SLC26A11: variants seen among roughly 807,000 people sequenced by gnomAD.
SLC26A11 encodes the protein sodium-independent sulfate anion transporter.
SLC26A11 carries 58 observed loss-of-function variants against 62.2 expected under a neutral mutation model. The ratio of observed to expected loss-of-function variants is 0.93; its 90% confidence interval spans 0.76 to 1.16. The LOEUF (loss-of-function observed/expected upper bound fraction) is 1.16, where lower values mean the gene tolerates loss of function less well. Among genes scored for constraint, SLC26A11 ranks in the 50% most tolerant of loss-of-function variants. The pLI, the probability that SLC26A11 is intolerant of heterozygous loss-of-function variation, is 0.00. For synonymous variants in SLC26A11, 411 were observed against 368.9 expected (o/e 1.11, Z -1.31); for missense variants, 790 against 794.3 (o/e 0.99, Z 0.06).
chr17:80,248,679 A>C lies in SLC26A11; in HGVS notation c.1522+5A>C, dbSNP rs1465789261. 6.4e-7 allele frequency: 1 copy of C among 1,563,402 alleles called. No homozygotes were observed. The highest frequency in any genetic ancestry group is 8.7e-7 in the Non-Finnish European group (1 of 1,153,782). On this transcript the variant is annotated splice_donor_5th_base_variant and intron_variant, in intron 15 of 17. Coordinates refer to ENST00000361193, the MANE Select transcript of SLC26A11 (RefSeq NM_001166347.2). ...TCCTAAGCCGGGCCCTGGAAGGTGC[A>C]TGGGCGGGGGTCAAGGTGGTCTGAG...
chr17:80,231,046 A>AT, intron 7 of SLC26A11, among the ~76,000 whole-genome samples: 1 of 150,046 alleles, frequency 6.7e-6, no homozygotes, highest in East Asian at 2.0e-4. Context: ...CTTTGGTTTC[A>AT]TTGATCTCCC....
At chr17:80,245,936 G>A (rs1369506748) in intron 11 of SLC26A11, among the ~76,000 whole-genome samples, 2 of 152,198 alleles carry the variant, frequency 1.3e-5, no homozygotes, top group Non-Finnish European at 2.9e-5. Context: ...GAAAGGACAC[G>A]TGCTTCCTGA....
At chr17:80,224,631 T>C (rs1159045288) in intron 5 of SLC26A11, among the ~76,000 whole-genome samples, 1 of 151,876 alleles carries the variant, frequency 6.6e-6, no homozygotes, top group Non-Finnish European at 1.5e-5. Context: ...TGAGCGTGAT[T>C]TGTACGTTAT....
intron 5 of SLC26A11, 40 bp from the exon 6 acceptor site, chr17:80,225,797 G>C (rs958865077): frequency 3.2e-6 from 5 of 1,581,912 alleles, no homozygotes; most frequent in African/African-American, 1.3e-5. Context: ...GCCTTGGTTT[G>C]GGAGCATAGC....
intron 10 of SLC26A11, among the ~76,000 whole-genome samples, chr17:80,243,380 T>C (rs2042913544): frequency 6.6e-6 from 1 of 152,160 alleles, no homozygotes; most frequent in Non-Finnish European, 1.5e-5. Flanking sequence ...GAGCATCCCA[T>C]TCCCATTACT....
chr17:80,229,917 T>C (rs1456863760), intron 7 of SLC26A11, among the ~76,000 whole-genome samples: 2 of 151,964 alleles, frequency 1.3e-5, no homozygotes, highest in Non-Finnish European at 1.5e-5. Flanking sequence ...AAGTCAAAGT[T>C]TGGAAGCCGG....
rs61009710 is a variant in SLC26A11, at chr17:80,222,375, CAAA to C, written c.235-267_235-265del. 482 of 244,414 alleles carry C rather than the reference CAAA, an allele frequency of 2.0e-3. No homozygotes were observed. The highest frequency in any genetic ancestry group is 4.2e-3 in the South Asian group (37 of 8,758). The allele number at this position is 244,414 out of a possible 1,614,324, so 15.1% of individuals were successfully genotyped here. The stretch of plus-strand genomic sequence containing the variant: ...TGGGCGACAGAGCGAGACTCCATCT[CAAA>C]AAAAAAAAAAAAGAATGCTTCCTCA... On this transcript the variant is annotated intron_variant, in intron 3 of 17. Coordinates refer to ENST00000361193, the MANE Select transcript of SLC26A11 (RefSeq NM_001166347.2). This position sits in a 1 kb window ranked among gnomAD's most constrained non-coding sequence, Gnocchi z 4.7.
At chr17:80,244,038 C>G (rs560932208) in intron 10 of SLC26A11, among the ~76,000 whole-genome samples, 1 of 152,354 alleles carries the variant, frequency 6.6e-6, no homozygotes, top group East Asian at 1.9e-4. Context: ...TAGCCCATCT[C>G]TCTCAGGGCC....
intron 14 of SLC26A11, 63 bp downstream of exon 14, chr17:80,248,320 A>G (rs2043063717): frequency 6.4e-7 from 1 of 1,552,860 alleles, no homozygotes; most frequent in Admixed American, 1.8e-5. Flanking sequence ...GCATGGTCTT[A>G]TGTTTTGAGG....
intron 6 of SLC26A11, among the ~76,000 whole-genome samples, chr17:80,226,475 C>A (rs11650086): frequency 0.17 from 26,041 of 152,060 alleles, 2,823 homozygotes; most frequent in East Asian, 0.59. Context: ...CCCAGGTGGG[C>A]AGATCATCTT....
In SLC26A11 at chr17:80,246,085, C is replaced by T; in HGVS notation, c.1098-69C>T. ...TGACGTCCCCTCGGAAGATCAGCCA[C>T]AGGAGTGTGGACTGAGGTCTCCCTT... On this transcript the variant is annotated intron_variant, in intron 11 of 17. Transcript: ENST00000361193. The surrounding 1 kb of genome is among the most constrained non-coding windows in gnomAD (Gnocchi z 4.4). 2.6e-6 allele frequency: 4 copies of T among 1,565,848 alleles called. No homozygotes were observed. The highest frequency in any genetic ancestry group is 1.7e-5 in the Admixed American group (1 of 59,952).
rs767184098 is a variant in SLC26A11 at position 80,237,349 on chromosome 17, A to G, written c.913-173A>G. 1.2e-5 allele frequency: 9 copies of G among 747,446 alleles called. No individual in the cohort carries two copies. In the South Asian group the frequency reaches 1.7e-4, roughly 14 times the overall value. 46.3% of individuals were successfully genotyped at this position (747,446 alleles called of 1,614,324 possible). A position where few individuals can be genotyped will look rare whatever the true frequency, so the allele number is the denominator to read the frequency against. On this transcript the variant is annotated intron_variant, in intron 8 of 17. Coordinates refer to ENST00000361193, the MANE Select transcript of SLC26A11 (RefSeq NM_001166347.2). ...TTGGACTCCAGCTGAGGATGAATTT[A>G]CCGTGTTCCTCCCAGCACCTGGCGC...
At chr17:80,238,721 A>G (rs1277244488) in intron 9 of SLC26A11, among the ~76,000 whole-genome samples, 1 of 152,124 alleles carries the variant, frequency 6.6e-6, no homozygotes, top group Non-Finnish European at 1.5e-5. Context: ...GTGACTGTGT[A>G]AATCGTGTTT....
chr17:80,235,572 C>T (rs1435113370), intron 7 of SLC26A11, among the ~76,000 whole-genome samples: 2 of 152,154 alleles, frequency 1.3e-5, no homozygotes, highest in Non-Finnish European at 2.9e-5. Context: ...CTCAGGCTGG[C>T]CTCAAACTTC....
chr17:80,221,594 AG>A lies in SLC26A11; in HGVS notation c.36del (p.Arg12SerfsTer37). On this transcript the variant is annotated frameshift_variant, in exon 3 of 18. Coordinates refer to ENST00000361193, the MANE Select transcript of SLC26A11 (RefSeq NM_001166347.2). LOFTEE classifies it high-confidence loss of function. ...TTCGGTGACGGCGCTGGGTCAGGCC[AG>A]GTCCTCTGGCCCCGGGATGGCCCCG... ...PSSVTALGQA[R>X]SSGPGMAPSA... 6.2e-7 allele frequency: 1 copy of A among 1,605,422 alleles called. No homozygotes were observed. The highest frequency in any genetic ancestry group is 8.5e-7 in the Non-Finnish European group (1 of 1,179,282).
In SLC26A11 at chr17:80,246,411, C is replaced by A. The variant is rs936108580; in HGVS notation, c.1154-98C>A. 5 of 1,538,314 alleles carry A rather than the reference C, an allele frequency of 3.3e-6. No homozygotes were observed. In the African/African-American group the frequency reaches 6.8e-5, roughly 21 times the overall value. The stretch of plus-strand genomic sequence containing the variant: ...TTGGCAGTCGTCGCCCTACCCCCAC[C>A]CCTGTCCCCAGTGGGCTCTGCTGAA... On this transcript the variant is annotated intron_variant, in intron 12 of 17. Coordinates refer to ENST00000361193, the MANE Select transcript of SLC26A11 (RefSeq NM_001166347.2). The surrounding 1 kb of genome is among the most constrained non-coding windows in gnomAD (Gnocchi z 4.4).
chr17:80,238,396 A>G (rs974807626), intron 9 of SLC26A11, among the ~76,000 whole-genome samples: 1 of 152,294 alleles, frequency 6.6e-6, no homozygotes, highest in Non-Finnish European at 1.5e-5. Flanking sequence ...AATAATGGCT[A>G]TGTTTAGTAA....
At chr17:80,225,471 T>G in intron 5 of SLC26A11, 1 of 236,574 alleles carries the variant, frequency 4.2e-6, no homozygotes, top group East Asian at 1.1e-4. Flanking sequence ...CTGAGTGGCC[T>G]GGAGCCAATG....
chr17:80,231,443 C>A lies in SLC26A11; in HGVS notation c.736+3483C>A, dbSNP rs182812622. Among the ~76,000 whole-genome samples, 1,036 of 152,232 alleles carry A rather than the reference C, an allele frequency of 6.8e-3. 14 individuals carry two copies. Among genetic ancestry groups the A allele is most frequent in the African/African-American group, 0.024 (981 of 41,532 alleles). On this transcript the variant is annotated intron_variant, in intron 7 of 17. Coordinates refer to ENST00000361193, the MANE Select transcript of SLC26A11 (RefSeq NM_001166347.2). ...CCTCCCAAAGTGCTGGGATTACAGG[C>A]GTGAGCCACTGTGCCCGGCCTTTTT...
Sources: gnomAD v4.1 joint callset for allele counts (sites outside exome capture counted in the v4.1 genomes callset) on GRCh38, gnomAD v4.1.1 for gene constraint, Gnocchi (gnomAD v3.1) non-coding constraint, MANE v1.5 for transcripts, NCBI Gene and HGNC (gene_info 2026-07-23, HGNC 2026-07-21) for gene names.